Variants in NAV2 observed in about 807,000 individuals in gnomAD.
NAV2 encodes helicase, APC down-regulated 1.
A neutral mutation model predicts 223.2 loss-of-function variants in NAV2; 54 were observed. The ratio of observed to expected loss-of-function variants is 0.24; its 90% CI spans 0.19 to 0.30. NAV2 has a LOEUF of 0.30. NAV2 is among the 10% of genes least tolerant of loss of function. The pLI, the probability that NAV2 is intolerant of heterozygous loss-of-function variation, is 1.00. For missense variants in NAV2, 2,806 were observed against 3,147.5 expected, an observed-to-expected ratio of 0.89 and a Z score of 2.60; for synonymous variants, 1,279 against 1,239.3, an observed-to-expected ratio of 1.03 and a Z score of -0.67.
chr11:19,729,968 T>C (rs1050674653), intron 1 of NAV2, among the ~76,000 whole-genome samples: 2 of 152,216 alleles, frequency 1.3e-5, no homozygotes, highest in African/African-American at 4.8e-5. Context: ...ATGATGTTTG[T>C]AATCTAGCCT....
Position 20,118,809 on chromosome 11 carries a change from C to T in NAV2, c.*551C>T, listed in dbSNP as rs11025395. The T allele has an allele frequency of 4.8e-3, 754 of 157,274 alleles. 20 individuals are homozygous for T. Among genetic ancestry groups the T allele is most frequent in the East Asian group, 0.044 (234 of 5,260 alleles). 9.7% of individuals were successfully genotyped at this position (157,274 alleles called of 1,614,324 possible). Reference sequence around the variant, plus strand: ...CTAACCAGGGTGCTTGCTTTGGTCACGTTCAACGCACTACAGAGCTACGAC... The same window carrying T: ...CTAACCAGGGTGCTTGCTTTGGTCATGTTCAACGCACTACAGAGCTACGAC... On this transcript the variant is annotated 3_prime_UTR_variant, in exon 38 of 38. Transcript: ENST00000349880.
intron 3 of NAV2, among the ~76,000 whole-genome samples, chr11:19,849,191 C>T (rs907270904): frequency 3.9e-5 from 6 of 152,106 alleles, no homozygotes; most frequent in African/African-American, 1.4e-4. Flanking sequence ...GATTCTTTAC[C>T]TAGGGAGAGG....
At chr11:19,682,105 A>G (rs1291756058) in intron 1 of NAV2, among the ~76,000 whole-genome samples, 1 of 152,118 alleles carries the variant, frequency 6.6e-6, no homozygotes, top group Non-Finnish European at 1.5e-5. Context: ...TCACTCCCCT[A>G]GACAGCACCT....
At chr11:19,617,233 G>C (rs569776561) in intron 1 of NAV2, among the ~76,000 whole-genome samples, 20 of 152,282 alleles carry the variant, frequency 1.3e-4, no homozygotes, top group African/African-American at 3.8e-4. Flanking sequence ...TTTGAAAATG[G>C]TTTCTTTTAG....
chr11:19,715,585 T>C (rs533389694), intron 1 of NAV2, among the ~76,000 whole-genome samples: 1 of 152,324 alleles, frequency 6.6e-6, no homozygotes, highest in African/African-American at 2.4e-5. Flanking sequence ...GGATTGTTCA[T>C]ATCCAGGCAG....
intron 1 of NAV2, among the ~76,000 whole-genome samples, chr11:19,699,616 G>A (rs941597895): frequency 1.3e-5 from 2 of 152,182 alleles, no homozygotes; most frequent in Non-Finnish European, 2.9e-5. Flanking sequence ...GTAGGGATCT[G>A]CTTTTATCCC....
At chr11:19,850,486 A>G (rs1360589840) in intron 3 of NAV2, among the ~76,000 whole-genome samples, 1 of 152,160 alleles carries the variant, frequency 6.6e-6, no homozygotes, top group African/African-American at 2.4e-5. Flanking sequence ...GTGTGTGTGT[A>G]GCTGGAGGAT....
At chr11:20,008,410 C>G (rs2153503759) in intron 11 of NAV2, among the ~76,000 whole-genome samples, 1 of 152,288 alleles carries the variant, frequency 6.6e-6, no homozygotes, top group South Asian at 2.1e-4. Flanking sequence ...TCTTCTCTGT[C>G]TTTTCTCTAT....
chr11:19,941,371 G>A (rs1188652485), intron 8 of NAV2, among the ~76,000 whole-genome samples: 1 of 150,352 alleles, frequency 6.7e-6, no homozygotes, highest in Non-Finnish European at 1.5e-5. Flanking sequence ...CCTTATCAGG[G>A]TGACATGTCT....
At chr11:20,045,894 T>A (rs1387431902) in intron 14 of NAV2, among the ~76,000 whole-genome samples, 1 of 152,206 alleles carries the variant, frequency 6.6e-6, no homozygotes, top group Non-Finnish European at 1.5e-5. Flanking sequence ...AAATCTTAGG[T>A]CCATTTTAAT....
intron 4 of NAV2, among the ~76,000 whole-genome samples, chr11:19,878,565 C>G (rs2062998013): frequency 6.6e-6 from 1 of 152,156 alleles, no homozygotes; most frequent in African/African-American, 2.4e-5. Context: ...TCTACTTTGT[C>G]CTGTGATCAG....
At chr11:20,035,853 G>T (rs2153566121) in intron 11 of NAV2, 106 bp from the exon 12 acceptor site, 1 of 1,332,254 alleles carries the variant, frequency 7.5e-7, no homozygotes. Context: ...GGGCTTCATG[G>T]CACAGATTGG....
At chr11:19,516,550 G>C (rs1023835320) in intron 1 of NAV2, among the ~76,000 whole-genome samples, 1 of 152,232 alleles carries the variant, frequency 6.6e-6, no homozygotes, top group Non-Finnish European at 1.5e-5. Flanking sequence ...AGCAAAATGA[G>C]CCATGTCTAC....
At chr11:20,073,265 T>G (rs938578795) in intron 22 of NAV2, among the ~76,000 whole-genome samples, 18 of 133,138 alleles carry the variant, frequency 1.4e-4, no homozygotes, top group African/African-American at 5.7e-4. Flanking sequence ...TGAACCAGCC[T>G]TGCATCCCAG....
At position 19,948,976 on chromosome 11, in the gene NAV2, A is replaced by C; in HGVS notation, c.2541A>C (p.Ala847=). ...SVCHVDVSDK[A]GDEMDLEGIS... ...GCCATGTGGACGTCTCAGACAAGGC[A>C]GGAGATGAGATGGACCTGGAAGGCA... The change falls in exon 10 of 38, where the codon GCA becomes GCC. Residue 847 remains alanine (A), a synonymous_variant. Coordinates refer to ENST00000349880, the MANE Select transcript of NAV2 (RefSeq NM_145117.5). 1.9e-6 allele frequency: 3 copies of C among 1,613,942 alleles called. No individual in the cohort carries two copies. The highest frequency in any genetic ancestry group is 2.5e-6 in the Non-Finnish European group (3 of 1,179,852).
At chr11:19,639,383 C>T (rs2047596020) in intron 1 of NAV2, among the ~76,000 whole-genome samples, 1 of 152,118 alleles carries the variant, frequency 6.6e-6, no homozygotes, top group Non-Finnish European at 1.5e-5. Flanking sequence ...ATGTGGGGGC[C>T]CCTGGAGCCC....
chr11:20,095,834 A>G lies in NAV2; in HGVS notation c.6012+67A>G. On this transcript the variant is annotated intron_variant, in intron 30 of 37. Coordinates refer to ENST00000349880, the MANE Select transcript of NAV2 (RefSeq NM_145117.5). The stretch of plus-strand genomic sequence containing the variant: ...TGGGCATCCGGGCCTGGGGAGGAAA[A>G]GAGAGGTTGATGTCCTGAGCTTGGC... 2.5e-6 allele frequency: 3 copies of G among 1,182,490 alleles called. No homozygotes were observed. In the Middle Eastern group the frequency reaches 5.7e-4, roughly 224 times the overall value. 73.2% of individuals were successfully genotyped at this position (1,182,490 alleles called of 1,614,324 possible).
chr11:19,349,186 T>C (rs1761164036), upstream of NAV2, among the ~76,000 whole-genome samples: 1 of 152,236 alleles, frequency 6.6e-6, no homozygotes, highest in Non-Finnish European at 1.5e-5. Context: ...TCAGAACATC[T>C]GTGACTTGGG....
At chr11:20,014,875 C>T (rs544525205) in intron 11 of NAV2, among the ~76,000 whole-genome samples, 4 of 152,018 alleles carry the variant, frequency 2.6e-5, no homozygotes, top group African/African-American at 9.7e-5. Flanking sequence ...GCACTCCAGC[C>T]TGGGTGACAC....
Sources: gnomAD v4.1 joint callset for allele counts (sites outside exome capture counted in the v4.1 genomes callset) on GRCh38, gnomAD v4.1.1 for gene constraint, MANE v1.5 for transcripts, NCBI Gene and HGNC (gene_info 2026-07-23, HGNC 2026-07-21) for gene names.